Variants in MMP16 observed in about 807,000 individuals in gnomAD.
The protein encoded by MMP16 is matrix metalloproteinase-16.
MMP16 carries 12 observed loss-of-function variants against 67.8 expected under a neutral mutation model. The observed-to-expected ratio is 0.18, with a 90% CI of 0.11 to 0.29. The LOEUF is 0.29. Ranked by LOEUF, MMP16 falls within the 10% of genes least tolerant of loss-of-function variation. The pLI, the probability that MMP16 is intolerant of heterozygous loss-of-function variation, is 1.00. For missense variants in MMP16, 475 were observed against 765.7 expected (o/e 0.62, Z 4.48); for synonymous variants, 249 against 255.9 (o/e 0.97, Z 0.26).
intron 6 of MMP16, among the ~76,000 whole-genome samples, chr8:88,084,472 A>G (rs532996567): frequency 1.3e-5 from 2 of 152,120 alleles, no homozygotes; most frequent in South Asian, 4.1e-4. Flanking sequence ...AGGAGGAAAA[A>G]AAAAGAAAAG....
At chr8:88,290,591 A>G (rs903896058) in intron 1 of MMP16, among the ~76,000 whole-genome samples, 18 of 151,954 alleles carry the variant, frequency 1.2e-4, no homozygotes, top group African/African-American at 4.4e-4. Flanking sequence ...ATATTTATTT[A>G]TTTAGAGACT....
intron 4 of MMP16, among the ~76,000 whole-genome samples, chr8:88,146,191 A>C (rs2118513676): frequency 6.6e-6 from 1 of 152,122 alleles, no homozygotes; most frequent in East Asian, 1.9e-4. Context: ...GTTAAGATAA[A>C]ATATTTTTGG....
intron 3 of MMP16, among the ~76,000 whole-genome samples, chr8:88,180,308 T>A (rs760939465): frequency 3.4e-5 from 5 of 149,224 alleles, no homozygotes; most frequent in African/African-American, 1.2e-4. Context: ...ATACTAAATA[T>A]GCCAATAAAA....
At chr8:88,209,114 G>A (rs907735157) in intron 1 of MMP16, among the ~76,000 whole-genome samples, 1 of 152,088 alleles carries the variant, frequency 6.6e-6, no homozygotes, top group East Asian at 1.9e-4. Context: ...GTGGAGGAAG[G>A]ATTGATACCA....
At chr8:88,295,468 G>A (rs1415835296) in intron 1 of MMP16, among the ~76,000 whole-genome samples, 1 of 152,136 alleles carries the variant, frequency 6.6e-6, no homozygotes, top group African/African-American at 2.4e-5. Context: ...AAGGTAATCT[G>A]TATTTACAGG....
At chr8:88,081,525 G>A (rs568495054) in intron 6 of MMP16, among the ~76,000 whole-genome samples, 57 of 152,170 alleles carry the variant, frequency 3.7e-4, no homozygotes, top group African/African-American at 1.2e-3. Context: ...TGATGGAGGA[G>A]GATCACCTGA....
At chr8:88,123,376 A>C (rs900037742) in intron 4 of MMP16, among the ~76,000 whole-genome samples, 1 of 151,846 alleles carries the variant, frequency 6.6e-6, no homozygotes, top group Non-Finnish European at 1.5e-5. Context: ...AAATTTCCAG[A>C]GGTAGATGTA....
At chr8:88,245,217 T>C (rs1408378744) in intron 1 of MMP16, among the ~76,000 whole-genome samples, 1 of 152,222 alleles carries the variant, frequency 6.6e-6, no homozygotes, top group Non-Finnish European at 1.5e-5. Flanking sequence ...TATAGATCTA[T>C]GTTTCCATAT....
intron 6 of MMP16, among the ~76,000 whole-genome samples, chr8:88,075,970 CACACAA>C (rs1399174252): frequency 1.3e-5 from 2 of 149,308 alleles, no homozygotes; most frequent in Non-Finnish European, 1.5e-5. Context: ...CACACACACA[CACACAA>C]AATCTACTGA....
intron 1 of MMP16, among the ~76,000 whole-genome samples, chr8:88,206,089 ATC>A (rs1034866338): frequency 2.0e-5 from 3 of 152,198 alleles, no homozygotes; most frequent in African/African-American, 7.2e-5. Flanking sequence ...TATTGCTACC[ATC>A]TCTCTCATTG....
At chr8:88,148,513 T>G (rs1441438441) in intron 4 of MMP16, among the ~76,000 whole-genome samples, 1 of 152,208 alleles carries the variant, frequency 6.6e-6, no homozygotes, top group Non-Finnish European at 1.5e-5. Flanking sequence ...GTGTATCATT[T>G]TGTCCACATC....
rs573908934 is a variant in MMP16, at chr8:88,202,519, A to T, written c.133-5213T>A. Among the ~76,000 whole-genome samples, 7 of 152,280 alleles carry T rather than the reference A, an allele frequency of 4.6e-5. No homozygotes were observed. The South Asian group carries it at 1.4e-3, about 32-fold the overall frequency. On this transcript the variant is annotated intron_variant, in intron 1 of 9. Coordinates refer to ENST00000286614, the MANE Select transcript of MMP16 (RefSeq NM_005941.5). ...CTTACCTGAAATTCCATTATGTGCT[A>T]GTCATCAGGCTGGAAAGTTGCAGAA...
At chr8:88,264,070 T>A (rs77871615) in intron 1 of MMP16, among the ~76,000 whole-genome samples, 62 of 594 alleles carry the variant, frequency 0.1, no homozygotes, top group South Asian at 0.5. Flanking sequence ...AGAGAGAGAG[T>A]GTGTGTGTGT....
chr8:88,316,264 A>G (rs1179569021), intron 1 of MMP16, among the ~76,000 whole-genome samples: 1 of 152,196 alleles, frequency 6.6e-6, no homozygotes, highest in East Asian at 1.9e-4. Flanking sequence ...TAAACAAAAG[A>G]TTTCAATATA....
intron 6 of MMP16, among the ~76,000 whole-genome samples, chr8:88,095,466 G>GCCT (rs942584275): frequency 6.6e-6 from 1 of 151,758 alleles, no homozygotes; most frequent in Non-Finnish European, 1.5e-5. Context: ...ATATCTGAAT[G>GCCT]CCTCTTTCAG....
chr8:88,264,293 G>A (rs544443516), intron 1 of MMP16, among the ~76,000 whole-genome samples: 105 of 152,158 alleles, frequency 6.9e-4, no homozygotes, highest in Middle Eastern at 6.8e-3. Context: ...TTCAACCCCT[G>A]GACTCAAGTG....
intron 4 of MMP16, among the ~76,000 whole-genome samples, chr8:88,143,349 C>T (rs1808242222): frequency 6.6e-6 from 1 of 152,034 alleles, no homozygotes; most frequent in Non-Finnish European, 1.5e-5. Context: ...TTTCCCAATG[C>T]TTTCTCAAAG....
intron 1 of MMP16, among the ~76,000 whole-genome samples, chr8:88,286,380 T>C (rs1336960792): frequency 6.6e-6 from 1 of 152,198 alleles, no homozygotes; most frequent in Non-Finnish European, 1.5e-5. Context: ...CATGTTTAGA[T>C]GTGACAGTCC....
intron 6 of MMP16, among the ~76,000 whole-genome samples, chr8:88,106,962 A>G (rs1372163784): frequency 6.6e-6 from 1 of 151,242 alleles, no homozygotes; most frequent in Non-Finnish European, 1.5e-5. Flanking sequence ...TACCTTATTT[A>G]GAAACAACTC....
Sources: allele counts gnomAD v4.1 joint callset (sites outside exome capture counted in the v4.1 genomes callset), GRCh38; gene constraint gnomAD v4.1.1; transcripts MANE v1.5; gene names NCBI Gene and HGNC (gene_info 2026-07-23, HGNC 2026-07-21).